FMN1: variants seen among roughly 807,000 people sequenced by gnomAD.
The protein encoded by FMN1 is formin 1.
A neutral mutation model predicts 132.4 loss-of-function variants in FMN1; 110 were observed. That is an observed-to-expected ratio of 0.83 (90% CI 0.71 to 0.97). FMN1 has a LOEUF of 0.97. Ranked by LOEUF, FMN1 falls within the 50% of genes least tolerant of loss-of-function variation. The pLI is 0.00. For synonymous variants in FMN1, 722 were observed against 651.7 expected (o/e 1.11, Z -1.64); for missense variants, 1,792 against 1,705.3 (o/e 1.05, Z -0.90).
At chr15:32,875,664 C>T (rs1003942521) in intron 16 of FMN1, among the ~76,000 whole-genome samples, 1 of 152,212 alleles carries the variant, frequency 6.6e-6, no homozygotes, top group Non-Finnish European at 1.5e-5. Context: ...CTCCAGTCCC[C>T]TTTGCAGGGG....
At chr15:33,174,884 C>G (rs1346314332) in intron 3 of FMN1, among the ~76,000 whole-genome samples, 1 of 152,218 alleles carries the variant, frequency 6.6e-6, no homozygotes, top group Non-Finnish European at 1.5e-5. Context: ...TGCAATTCTT[C>G]AATTACATCA....
chr15:33,125,278 A>C (rs550197501), intron 4 of FMN1, among the ~76,000 whole-genome samples: 2 of 152,214 alleles, frequency 1.3e-5, no homozygotes, highest in Non-Finnish European at 2.9e-5. Context: ...AAGTTTAGAG[A>C]TAATACATAG....
chr15:32,992,389 T>C (rs1360696063), intron 7 of FMN1, among the ~76,000 whole-genome samples: 2 of 152,188 alleles, frequency 1.3e-5, no homozygotes, highest in Non-Finnish European at 2.9e-5. Context: ...GGTTAGAGGA[T>C]GATGTGGTTG....
At chr15:32,895,770 T>C (rs554430026) in intron 15 of FMN1, among the ~76,000 whole-genome samples, 9 of 152,164 alleles carry the variant, frequency 5.9e-5, no homozygotes, top group Admixed American at 5.9e-4. Context: ...CTCGAGTTCA[T>C]TGTCTATTAT....
At chr15:33,067,622 G>A in intron 5 of FMN1, 1 of 1,614,002 alleles carries the variant, frequency 6.2e-7, no homozygotes, top group Non-Finnish European at 8.5e-7. Flanking sequence ...GAGGTCAGGT[G>A]AAACCCGAGA....
rs115750067 is a variant in FMN1, at chr15:32,976,479, G to C, written c.2224-7002C>G. The stretch of plus-strand genomic sequence containing the variant: ...TCCCTTAGTTAATTGGCTTATACTA[G>C]CCACTGTAAAAACAAAAGTTTCTAT... On this transcript the variant is annotated intron_variant, in intron 7 of 20. Coordinates refer to ENST00000616417, the MANE Select transcript of FMN1 (RefSeq NM_001277313.2). Among the ~76,000 whole-genome samples, 389 of 152,268 alleles carry C rather than the reference G, an allele frequency of 2.6e-3. 3 individuals carry two copies. The highest frequency in any genetic ancestry group is 8.8e-3 in the African/African-American group (367 of 41,564).
intron 16 of FMN1, among the ~76,000 whole-genome samples, chr15:32,875,229 T>C (rs1408047490): frequency 6.6e-6 from 1 of 152,192 alleles, no homozygotes; most frequent in African/African-American, 2.4e-5. Context: ...TGGTGAGTAT[T>C]AGTAAAGTCA....
intron 2 of FMN1, among the ~76,000 whole-genome samples, chr15:33,185,568 A>AT (rs57232200): frequency 0.015 from 1,732 of 113,390 alleles, 38 homozygotes; most frequent in East Asian, 0.035. Flanking sequence ...TAAAGTAAGA[A>AT]TTTTTTTTTT....
chr15:32,876,211 CTGT>C (rs1223180078), intron 16 of FMN1, among the ~76,000 whole-genome samples: 1 of 152,124 alleles, frequency 6.6e-6, no homozygotes, highest in African/African-American at 2.4e-5. Flanking sequence ...CTGTTTATTC[CTGT>C]TGTTCTTTTT....
Position 32,861,732 on chromosome 15 carries a change from A to C in FMN1, c.3836-4625T>G, listed in dbSNP as rs369277841. Among the ~76,000 whole-genome samples, 9 of 152,332 alleles carry C rather than the reference A, an allele frequency of 5.9e-5. No homozygotes were observed. In the South Asian group the frequency reaches 1.9e-3, roughly 32 times the overall value. On this transcript the variant is annotated intron_variant, in intron 16 of 20. Transcript: ENST00000616417. The stretch of plus-strand genomic sequence containing the variant: ...TATTTACGGAAATATGCCACGGTGC[A>C]AATCTCCTGTTTAGAACATAGGGAT...
At chr15:32,988,327 A>T (rs1026902339) in intron 7 of FMN1, among the ~76,000 whole-genome samples, 1 of 152,184 alleles carries the variant, frequency 6.6e-6, no homozygotes. Context: ...ATCTTAAAAA[A>T]CAATAAATTT....
At chr15:32,790,366 A>G (rs2140937507) in intron 19 of FMN1, among the ~76,000 whole-genome samples, 1 of 152,334 alleles carries the variant, frequency 6.6e-6, no homozygotes, top group Middle Eastern at 3.4e-3. Context: ...AAGGATCACT[A>G]GGAAGGTGTC....
At chr15:33,025,098 G>A (rs1015631915) in intron 6 of FMN1, among the ~76,000 whole-genome samples, 1 of 152,120 alleles carries the variant, frequency 6.6e-6, no homozygotes, top group Non-Finnish European at 1.5e-5. Flanking sequence ...CCAAGTGGCT[G>A]GGGTAGGGCA....
At chr15:33,048,926 CA>C (rs1159512415) in intron 6 of FMN1, among the ~76,000 whole-genome samples, 1 of 152,056 alleles carries the variant, frequency 6.6e-6, no homozygotes. Context: ...AGGACACAGC[CA>C]AACTGTATCA....
chr15:32,993,806 G>A (rs557781477), intron 7 of FMN1, among the ~76,000 whole-genome samples: 37 of 144,372 alleles, frequency 2.6e-4, no homozygotes, highest in African/African-American at 8.8e-4. Context: ...CTGTCTTAGA[G>A]CCACTACAAT....
At chr15:32,865,328 C>T (rs751439872) in intron 16 of FMN1, among the ~76,000 whole-genome samples, 182 of 152,220 alleles carry the variant, frequency 1.2e-3, no homozygotes, top group Non-Finnish European at 2.0e-3. Context: ...TAAACTGGAA[C>T]TATAATGAAC....
At position 32,774,361 on chromosome 15, in the gene FMN1, A is replaced by G. The variant is rs777783615; in HGVS notation, c.4216-7T>C. On this transcript the variant is annotated splice_polypyrimidine_tract_variant and splice_region_variant and intron_variant, in intron 20 of 20. Transcript: ENST00000616417. Reference sequence around the variant, plus strand: ...TCTGACGCAGTCTTTCTTTCTGTTAAGGAAAAAAAAATGAATGTATCATTT... The same window carrying G: ...TCTGACGCAGTCTTTCTTTCTGTTAGGGAAAAAAAAATGAATGTATCATTT... 1.3e-6 allele frequency: 2 copies of G among 1,579,854 alleles called. No individual in the cohort carries two copies. Among genetic ancestry groups the G allele is most frequent in the Non-Finnish European group, 1.7e-6 (2 of 1,162,524 alleles).
chr15:33,002,868 G>T (rs886756282), intron 7 of FMN1, among the ~76,000 whole-genome samples: 1 of 152,198 alleles, frequency 6.6e-6, no homozygotes, highest in Non-Finnish European at 1.5e-5. Context: ...TTGTCCATCT[G>T]TGACTGCTAG....
intron 17 of FMN1, among the ~76,000 whole-genome samples, chr15:32,823,125 C>T (rs557983045): frequency 3.5e-4 from 50 of 142,234 alleles, no homozygotes; most frequent in Middle Eastern, 3.7e-3. Context: ...CATTCATGGT[C>T]TGTCTCAAAG....
Sources: allele counts gnomAD v4.1 joint callset (sites outside exome capture counted in the v4.1 genomes callset), GRCh38; gene constraint gnomAD v4.1.1; transcripts MANE v1.5; gene names NCBI Gene and HGNC (gene_info 2026-07-23, HGNC 2026-07-21).